RGL1: variants seen among roughly 807,000 people sequenced by gnomAD.
RGL1 encodes ral guanine nucleotide dissociation stimulator like 1, also known as ral guanine nucleotide dissociation stimulator-like 1.
In RGL1, 24 loss-of-function variants were observed where a neutral mutation model predicts 95.2. That is an observed-to-expected ratio of 0.25 (90% CI 0.18 to 0.35). The LOEUF (loss-of-function observed/expected upper bound fraction) is 0.35, where lower values mean the gene tolerates loss of function less well. Among genes scored for constraint, RGL1 ranks in the 10% least tolerant of loss-of-function variants. The pLI, the probability that RGL1 is intolerant of heterozygous loss-of-function variation, is 1.00. For missense variants in RGL1, 715 were observed against 936.3 expected, an observed-to-expected ratio of 0.76 and a Z score of 3.08; for synonymous variants, 329 against 344.9, an observed-to-expected ratio of 0.95 and a Z score of 0.51.
rs1663003827 is a variant in RGL1 at position 183,828,168 on chromosome 1, C to G, written c.139-19398C>G. On this transcript the variant is annotated intron_variant, in intron 2 of 17. Coordinates refer to ENST00000360851, the MANE Select transcript of RGL1 (RefSeq NM_001297671.3). ...ACTGCCAGTGATATGACCATTACAC[C>G]TCTTTGACAAGAGAAACCTATGTTT... Among the ~76,000 whole-genome samples the G allele has an allele frequency of 2.0e-5, 3 of 152,154 alleles. No individual in the cohort carries two copies. In the South Asian group the frequency reaches 6.2e-4, roughly 32 times the overall value.
chr1:183,893,456 C>G (rs1404654550), intron 9 of RGL1, among the ~76,000 whole-genome samples: 2 of 151,988 alleles, frequency 1.3e-5, no homozygotes, highest in East Asian at 3.9e-4. Flanking sequence ...TCATGTAAAA[C>G]CAAAGTATGC....
At chr1:183,892,396 T>G (rs1667477018) in intron 9 of RGL1, among the ~76,000 whole-genome samples, 1 of 152,214 alleles carries the variant, frequency 6.6e-6, no homozygotes, top group Non-Finnish European at 1.5e-5. Context: ...TGCAAGCAGA[T>G]TGTGAAACTT....
chr1:183,730,679 A>G (rs899085275), intron 1 of RGL1, among the ~76,000 whole-genome samples: 1 of 152,172 alleles, frequency 6.6e-6, no homozygotes, highest in Non-Finnish European at 1.5e-5. Flanking sequence ...TTGGTCCAGT[A>G]GGAACTAGAG....
intron 1 of RGL1, among the ~76,000 whole-genome samples, chr1:183,660,448 A>G (rs12028367): frequency 0.056 from 8,313 of 149,776 alleles, 407 homozygotes; most frequent in African/African-American, 0.13. Flanking sequence ...ACAAAGATCA[A>G]AAGAGACAAA....
chr1:183,678,432 A>G (rs552830561), intron 1 of RGL1, among the ~76,000 whole-genome samples: 1 of 152,338 alleles, frequency 6.6e-6, no homozygotes, highest in Admixed American at 6.5e-5. Flanking sequence ...CGTTAAAAAT[A>G]TTACTTCTGT....
chr1:183,669,300 A>AT (rs1256841357), intron 1 of RGL1, among the ~76,000 whole-genome samples: 2 of 152,158 alleles, frequency 1.3e-5, no homozygotes, highest in Non-Finnish European at 2.9e-5. Context: ...CATCAAAGGC[A>AT]TTCTTTGTTT....
chr1:183,897,182 G>T (rs1667749276), intron 9 of RGL1, among the ~76,000 whole-genome samples: 1 of 152,154 alleles, frequency 6.6e-6, no homozygotes, highest in South Asian at 2.1e-4. Context: ...TATGAGAATT[G>T]CCTGGCTTGT....
At chr1:183,733,473 T>C (rs942071785) in intron 1 of RGL1, among the ~76,000 whole-genome samples, 2 of 152,168 alleles carry the variant, frequency 1.3e-5, no homozygotes, top group Non-Finnish European at 1.5e-5. Flanking sequence ...ATCTGGGTTA[T>C]TGAGTCTTTG....
chr1:183,769,007 C>A (rs10797908), intron 2 of RGL1, among the ~76,000 whole-genome samples: 27,223 of 152,156 alleles, frequency 0.18, 3,354 homozygotes, highest in African/African-American at 0.35. Context: ...ACCTAGACAT[C>A]TAATGAACAT....
chr1:183,853,055 G>A (rs1170045673), intron 3 of RGL1, among the ~76,000 whole-genome samples: 1 of 152,120 alleles, frequency 6.6e-6, no homozygotes, highest in Non-Finnish European at 1.5e-5. Context: ...AGCAGAATGA[G>A]CTGAGTGCAG....
chr1:183,846,966 G>A (rs949817682), intron 2 of RGL1, among the ~76,000 whole-genome samples: 6 of 152,096 alleles, frequency 3.9e-5, no homozygotes, highest in African/African-American at 1.2e-4. Context: ...TTAAAAATGC[G>A]CTTGGTAAAA....
At chr1:183,722,293 TAC>T (rs955622360) in intron 1 of RGL1, among the ~76,000 whole-genome samples, 4 of 150,208 alleles carry the variant, frequency 2.7e-5, no homozygotes, top group Non-Finnish European at 5.9e-5. Flanking sequence ...AAATGAAGCT[TAC>T]ACACAGAGAT....
Position 183,769,280 on chromosome 1 carries a change from AT to A in RGL1, c.132+26993del, listed in dbSNP as rs1659157404. The stretch of plus-strand genomic sequence containing the variant: ...ATTAAATTAGTCTTATTTGGCAAAA[AT>A]TGCACAAAGATCATTTTGTTTTGGC... On this transcript the variant is annotated intron_variant, in intron 2 of 18. Coordinates refer to the RGL1 transcript ENST00000304685. 2.0e-5 allele frequency among the ~76,000 whole-genome samples: 3 copies of A among 152,336 alleles called. No individual in the cohort carries two copies. The South Asian group carries it at 6.2e-4, about 32-fold the overall frequency.
In RGL1 at chr1:183,671,076, A is replaced by G. The variant is rs897627506; in HGVS notation, c.-33+34575A>G. ...TCTTCACAAGGTGGCTGGAAGGAGAAGTGCTGAGTGAAGGAGGAAGAGCCC... is the reference window on the plus strand; with the variant it reads ...TCTTCACAAGGTGGCTGGAAGGAGAGGTGCTGAGTGAAGGAGGAAGAGCCC... On this transcript the variant is annotated intron_variant, in intron 1 of 18. Coordinates refer to the RGL1 transcript ENST00000304685. Among the ~76,000 whole-genome samples the G allele has an allele frequency of 3.3e-5, 5 of 152,228 alleles. No homozygotes were observed. The East Asian group carries it at 9.6e-4, about 29-fold the overall frequency.
At chr1:183,702,950 A>G (rs4607832) in intron 1 of RGL1, among the ~76,000 whole-genome samples, 72,162 of 152,006 alleles carry the variant, frequency 0.47, 17,762 homozygotes, top group East Asian at 0.76. Context: ...AACAGGAAGT[A>G]TCTCAGTCTG....
intron 17 of RGL1, among the ~76,000 whole-genome samples, chr1:183,923,932 C>T (rs1257970068): frequency 6.6e-6 from 1 of 152,190 alleles, no homozygotes; most frequent in Non-Finnish European, 1.5e-5. Context: ...AACCATATGC[C>T]TCTCTGGTTG....
intron 2 of RGL1, among the ~76,000 whole-genome samples, chr1:183,780,560 T>G (rs1404579939): frequency 6.6e-6 from 1 of 152,170 alleles, no homozygotes; most frequent in Admixed American, 6.5e-5. Flanking sequence ...AGGGGGAGAT[T>G]CAGTGCTTTA....
intron 2 of RGL1, among the ~76,000 whole-genome samples, chr1:183,815,474 C>A (rs1207198706): frequency 6.6e-6 from 1 of 152,070 alleles, no homozygotes; most frequent in African/African-American, 2.4e-5. Context: ...GACTTTAGGG[C>A]CCAGAGCCAT....
At chr1:183,749,427 G>A (rs1395716077) in intron 2 of RGL1, among the ~76,000 whole-genome samples, 1 of 151,926 alleles carries the variant, frequency 6.6e-6, no homozygotes, top group Non-Finnish European at 1.5e-5. Context: ...TTTTATTAGA[G>A]ACTAGGATTG....
Sources: allele counts gnomAD v4.1 joint callset (sites outside exome capture counted in the v4.1 genomes callset), GRCh38; gene constraint gnomAD v4.1.1; transcripts MANE v1.5; gene names NCBI Gene and HGNC (gene_info 2026-07-23, HGNC 2026-07-21).